Variants in MERTK observed in about 807,000 individuals in gnomAD.
MERTK encodes MER proto-oncogene, tyrosine kinase, also known as tyrosine-protein kinase Mer.
Under a neutral mutation model 99.3 loss-of-function variants are expected in MERTK, and 69 were observed. The ratio of observed to expected loss-of-function variants is 0.70; its 90% CI spans 0.57 to 0.85. The LOEUF is 0.85. MERTK is among the 40% of genes least tolerant of loss of function. The pLI is 0.00. For synonymous variants in MERTK, 426 were observed against 467.6 expected (o/e 0.91, Z 1.15); for missense variants, 1,125 against 1,249.4 (o/e 0.90, Z 1.50).
At chr2:111,927,773 C>A (rs1428381149) in intron 1 of MERTK, among the ~76,000 whole-genome samples, 1 of 152,190 alleles carries the variant, frequency 6.6e-6, no homozygotes, top group African/African-American at 2.4e-5. Context: ...GAACACCCTA[C>A]TCCCTGCACA....
intron 4 of MERTK, among the ~76,000 whole-genome samples, chr2:111,955,160 C>T (rs1685124786): frequency 6.6e-6 from 1 of 152,074 alleles, no homozygotes; most frequent in South Asian, 2.1e-4. Context: ...GTTTAAATAG[C>T]CGATTGTTTG....
At chr2:112,008,526 G>T (rs368535127) in intron 14 of MERTK, 51 bp downstream of exon 14, 2 of 1,368,502 alleles carry the variant, frequency 1.5e-6, no homozygotes, top group Non-Finnish European at 1.0e-6. Context: ...CTGCTGATCT[G>T]CTCTGTGCCA....
chr2:112,019,811 C>T (rs1355607540), intron 16 of MERTK, among the ~76,000 whole-genome samples: 2 of 152,198 alleles, frequency 1.3e-5, no homozygotes, highest in Admixed American at 6.5e-5. Context: ...CCTTCCCCAG[C>T]CATCAGCTAG....
intron 4 of MERTK, 149 bp from the exon 5 acceptor site, chr2:111,965,042 C>G (rs1685334246): frequency 3.1e-5 from 23 of 741,966 alleles, no homozygotes; most frequent in Middle Eastern, 5.0e-4. Context: ...TTTGTTTCTC[C>G]ATAGCTAGCA....
In MERTK at chr2:111,959,680, C is replaced by T. The variant is rs543644031; in HGVS notation, c.758-5511C>T. ...GTAGAGATGGGGTTTCACCATGTTG[C>T]CCCAGGGTGGGGCAACTTCTGGACT... is the stretch of plus-strand genomic sequence containing the variant. On this transcript the variant is annotated intron_variant, in intron 4 of 18. Coordinates refer to ENST00000295408, the MANE Select transcript of MERTK (RefSeq NM_006343.3). 8.6e-5 allele frequency among the ~76,000 whole-genome samples: 13 copies of T among 152,026 alleles called. No individual in the cohort carries two copies. In the South Asian group the frequency reaches 2.5e-3, roughly 29 times the overall value.
At position 112,022,600 on chromosome 2, in the gene MERTK, C is replaced by G. The variant is rs753447809; in HGVS notation, c.2486+206C>G. ...GTGTGTGGTATCTCCAGTGAGCCCA[C>G]TGAGGCTCACTCATCCAAAGGGCCT... On this transcript the variant is annotated intron_variant, in intron 18 of 18. Coordinates refer to ENST00000295408, the MANE Select transcript of MERTK (RefSeq NM_006343.3). 7.4e-6 allele frequency: 6 copies of G among 813,296 alleles called. No individual in the cohort carries two copies. In the South Asian group the frequency reaches 8.0e-5, roughly 11 times the overall value. 50.4% of individuals were successfully genotyped at this position (813,296 alleles called of 1,614,324 possible).
chr2:111,975,177 C>T, intron 6 of MERTK, 112 bp from the exon 7 acceptor site: 1 of 1,001,274 alleles, frequency 1.0e-6, no homozygotes, highest in Non-Finnish European at 1.6e-6. Flanking sequence ...GGAAGCAGGT[C>T]CTTCCCCTTA....
chr2:111,979,337 G>A (rs1676320101), intron 7 of MERTK, among the ~76,000 whole-genome samples: 2 of 152,084 alleles, frequency 1.3e-5, no homozygotes, highest in African/African-American at 4.8e-5. Context: ...TCATTTTTTA[G>A]CTTCATGGGT....
At chr2:111,974,293 C>T (rs1023793155) in intron 6 of MERTK, among the ~76,000 whole-genome samples, 1 of 148,602 alleles carries the variant, frequency 6.7e-6, no homozygotes, top group Non-Finnish European at 1.5e-5. Context: ...ATCCCAGCTA[C>T]TCTGAAGGCT....
chr2:111,951,241 A>G (rs931827714), intron 4 of MERTK, among the ~76,000 whole-genome samples: 1 of 151,940 alleles, frequency 6.6e-6, no homozygotes, highest in East Asian at 1.9e-4. Flanking sequence ...AATTTTGTTA[A>G]CTGTGCTGTA....
At chr2:111,944,201 G>C (rs1684915487) in intron 2 of MERTK, among the ~76,000 whole-genome samples, 1 of 151,318 alleles carries the variant, frequency 6.6e-6, no homozygotes, top group Admixed American at 6.6e-5. Context: ...TCAGGAGGCT[G>C]AGGCAGGACA....
chr2:111,998,589 T>C (rs1270404323), intron 10 of MERTK, among the ~76,000 whole-genome samples: 2 of 151,940 alleles, frequency 1.3e-5, no homozygotes, highest in African/African-American at 4.8e-5. Flanking sequence ...GTCAGAAAAA[T>C]TTGGCTGCAT....
At chr2:111,995,677 C>G (rs186307564) in intron 9 of MERTK, among the ~76,000 whole-genome samples, 49 of 152,280 alleles carry the variant, frequency 3.2e-4, no homozygotes, top group African/African-American at 1.2e-3. Context: ...TGGCTGGACG[C>G]AGTGACTCAC....
At position 112,029,404 on chromosome 2, in the gene MERTK, G is replaced by A. The variant is rs1044929859; in HGVS notation, c.*540G>A. 2.8e-4 allele frequency: 248 copies of A among 892,032 alleles called. No homozygotes were observed. The highest frequency in any genetic ancestry group is 3.2e-4 in the Non-Finnish European group (238 of 744,924). The allele number at this position is 892,032 out of a possible 1,614,324, so 55.3% of individuals were successfully genotyped here. ...ACTTACTTGAGACTTGAAAGACAGT[G>A]GTCGGCAGCGGCCTTGTGGCCTTTG... On this transcript the variant is annotated 3_prime_UTR_variant, in exon 19 of 19. Transcript: ENST00000295408.
chr2:112,027,775 C>T (rs1388506466), intron 18 of MERTK, among the ~76,000 whole-genome samples: 2 of 152,200 alleles, frequency 1.3e-5, no homozygotes, highest in African/African-American at 4.8e-5. Context: ...TGCCCTCACC[C>T]CTGCTCCTGA....
chr2:111,904,286 CTT>C (rs1371536792), intron 1 of MERTK, among the ~76,000 whole-genome samples: 1 of 152,022 alleles, frequency 6.6e-6, no homozygotes, highest in Non-Finnish European at 1.5e-5. Flanking sequence ...CCACATAACT[CTT>C]TTCCAAACTG....
chr2:111,985,034 C>T (rs1171511784), intron 8 of MERTK, among the ~76,000 whole-genome samples: 1 of 152,138 alleles, frequency 6.6e-6, no homozygotes, highest in Non-Finnish European at 1.5e-5. Flanking sequence ...TTTGCTAAAG[C>T]TGGCAAGTTC....
chr2:112,023,776 A>G (rs1006448137), intron 18 of MERTK, among the ~76,000 whole-genome samples: 1 of 152,140 alleles, frequency 6.6e-6, no homozygotes, highest in East Asian at 1.9e-4. Context: ...GGAGAGGGGC[A>G]TTCTCACCAT....
intron 4 of MERTK, 98 bp from the exon 5 acceptor site, chr2:111,965,093 G>T (rs771363024): frequency 2.5e-6 from 3 of 1,213,306 alleles, no homozygotes; most frequent in Non-Finnish European, 3.6e-6. Flanking sequence ...CAAAAGCCAT[G>T]AACCAAGAAA....
Sources: gnomAD v4.1 joint callset for allele counts (sites outside exome capture counted in the v4.1 genomes callset) on GRCh38, gnomAD v4.1.1 for gene constraint, MANE v1.5 for transcripts, NCBI Gene and HGNC (gene_info 2026-07-23, HGNC 2026-07-21) for gene names.